Variants in MAPRE2 observed in about 807,000 individuals in gnomAD.
MAPRE2 encodes the protein microtubule associated protein RP/EB family member 2.
Under a neutral mutation model 43.2 loss-of-function variants are expected in MAPRE2, and 13 were observed. The ratio of observed to expected loss-of-function variants is 0.30; its 90% confidence interval spans 0.20 to 0.48. MAPRE2 has a LOEUF of 0.48. Ranked by LOEUF, MAPRE2 falls within the 20% of genes least tolerant of loss-of-function variation. The probability of loss-of-function intolerance (pLI) is 0.99; values close to 1 mark genes in which losing one functional copy is unlikely to be tolerated. For missense variants in MAPRE2, 161 were observed against 400.2 expected, an observed-to-expected ratio of 0.40 and a Z score of 5.10; for synonymous variants, 135 against 148.8, an observed-to-expected ratio of 0.91 and a Z score of 0.68.
In MAPRE2 at chr18:35,049,870, T is replaced by C. The variant is rs183971048; in HGVS notation, c.122+8209T>C. 2.6e-5 allele frequency among the ~76,000 whole-genome samples: 4 copies of C among 152,328 alleles called. No homozygotes were observed. The East Asian group carries it at 7.7e-4, about 29-fold the overall frequency. On this transcript the variant is annotated intron_variant, in intron 1 of 6. Coordinates refer to ENST00000300249, the MANE Select transcript of MAPRE2 (RefSeq NM_014268.4). ...TATATTTGTCTTACGAACATAGCCTTGAGGCACAAGCTTGGGCATTGTTGA... is the reference window on the plus strand; with the variant it reads ...TATATTTGTCTTACGAACATAGCCTCGAGGCACAAGCTTGGGCATTGTTGA...
Position 34,978,452 on chromosome 18 carries a change from G to C in MAPRE2, c.-70+1373G>C, listed in dbSNP as rs965188122. The C allele has an allele frequency of 2.1e-6, 3 of 1,461,702 alleles. No homozygotes were observed. In the African/African-American group the frequency reaches 4.2e-5, roughly 21 times the overall value. 90.5% of individuals were successfully genotyped at this position (1,461,702 alleles called of 1,614,324 possible). A position where few individuals can be genotyped will look rare whatever the true frequency, so the allele number is the denominator to read the frequency against. On this transcript the variant is annotated intron_variant, in intron 1 of 7. Transcript: ENST00000413393. ...TGCAGACCGGTTGCGATTGTGGTCA[G>C]ACGCAGCACCTACTTCTAATCTGAG...
chr18:35,081,845 T>G (rs1603398935), intron 2 of MAPRE2, among the ~76,000 whole-genome samples: 1 of 152,106 alleles, frequency 6.6e-6, no homozygotes, highest in African/African-American at 2.4e-5. Flanking sequence ...AGCCTCTCTG[T>G]GGGCTGCCAT....
At chr18:35,042,630 C>A (rs891899110) in intron 1 of MAPRE2, among the ~76,000 whole-genome samples, 22 of 152,182 alleles carry the variant, frequency 1.4e-4, no homozygotes, top group African/African-American at 5.3e-4. Context: ...TAGCTTCGGT[C>A]ATATTTCCTC....
intron 1 of MAPRE2, among the ~76,000 whole-genome samples, chr18:35,062,161 G>C (rs1321411306): frequency 3.3e-5 from 5 of 152,150 alleles, no homozygotes; most frequent in Admixed American, 6.5e-5. Context: ...AAGACGTTTG[G>C]GGGGATGTCT....
intron 2 of MAPRE2, among the ~76,000 whole-genome samples, chr18:35,020,518 G>C (rs967980581): frequency 6.6e-6 from 1 of 150,822 alleles, no homozygotes; most frequent in African/African-American, 2.4e-5. Context: ...TTTAGTGAGT[G>C]CTTAGCTTAG....
chr18:35,041,566 C>G lies in MAPRE2; in HGVS notation c.27C>G (p.Ser9=). The G allele has an allele frequency of 6.2e-7, 1 of 1,614,206 alleles. No individual in the cohort carries two copies. MPGPTQTL[S]PNGENNNDII... ...TGCCTGGGCCGACCCAAACCCTGTC[C>G]CCAAATGGCGAGAACAACAACGACA... The change falls in exon 1 of 7, where the codon TCC becomes TCG. Residue 9 remains serine (S), a synonymous_variant. Coordinates refer to ENST00000300249, the MANE Select transcript of MAPRE2 (RefSeq NM_014268.4).
At chr18:35,034,653 A>G (rs1187565514) in intron 2 of MAPRE2, among the ~76,000 whole-genome samples, 3 of 152,094 alleles carry the variant, frequency 2.0e-5, no homozygotes, top group Non-Finnish European at 4.4e-5. Context: ...ATGAACTCAA[A>G]CAAATTTACA....
At chr18:35,042,129 A>T (rs1281435200) in intron 1 of MAPRE2, among the ~76,000 whole-genome samples, 1 of 152,202 alleles carries the variant, frequency 6.6e-6, no homozygotes, top group Non-Finnish European at 1.5e-5. Context: ...GCAGTCTGTG[A>T]TGTTAAACCG....
At chr18:35,061,283 G>A (rs1203533110) in intron 1 of MAPRE2, among the ~76,000 whole-genome samples, 1 of 152,210 alleles carries the variant, frequency 6.6e-6, no homozygotes, top group Admixed American at 6.5e-5. Context: ...GCATAGTTTT[G>A]AAGATTCTTA....
intron 2 of MAPRE2, among the ~76,000 whole-genome samples, chr18:35,075,202 C>A (rs1309475852): frequency 1.3e-5 from 2 of 152,216 alleles, no homozygotes; most frequent in Non-Finnish European, 2.9e-5. Flanking sequence ...GGCATTCACA[C>A]AGGTGTAGCC....
At chr18:35,074,559 C>G (rs180890324) in intron 2 of MAPRE2, among the ~76,000 whole-genome samples, 1 of 152,262 alleles carries the variant, frequency 6.6e-6, no homozygotes, top group East Asian at 1.9e-4. Flanking sequence ...TCACTCCTCA[C>G]CTCAAGCCTC....
chr18:35,117,704 G>A lies in MAPRE2; in HGVS notation c.611-9244G>A, dbSNP rs537398854. ...ATGTGGTGTGTGTGGTTTTCACTGG[G>A]GTGAGTGAGCCTCACCATTTCTGTT... On this transcript the variant is annotated intron_variant, in intron 4 of 6. Transcript: ENST00000300249. Among the ~76,000 whole-genome samples, 92 of 151,982 alleles carry A rather than the reference G, an allele frequency of 6.1e-4. 1 individual carries two copies. The highest frequency in any genetic ancestry group is 1.9e-3 in the African/African-American group (79 of 41,422).
chr18:35,100,561 C>T (rs1908628053), intron 3 of MAPRE2, among the ~76,000 whole-genome samples: 1 of 152,130 alleles, frequency 6.6e-6, no homozygotes, highest in Admixed American at 6.5e-5. Context: ...ATGGAATCAA[C>T]CTAAATGCCC....
intron 2 of MAPRE2, among the ~76,000 whole-genome samples, chr18:35,073,666 T>C (rs1359797239): frequency 6.6e-6 from 1 of 152,216 alleles, no homozygotes; most frequent in East Asian, 1.9e-4. Context: ...CTATTTCTGT[T>C]TTTAAAATTT....
At chr18:35,036,573 A>G (rs889444361), upstream of MAPRE2, among the ~76,000 whole-genome samples, 10 of 151,992 alleles carry the variant, frequency 6.6e-5, no homozygotes, top group African/African-American at 2.4e-4. Flanking sequence ...AGATGTTATA[A>G]CCTTCCCTAC....
At position 35,005,608 on chromosome 18, in the gene MAPRE2, G is replaced by A. The variant is rs2097031500; in HGVS notation, c.-8+55G>A. 2.7e-6 allele frequency: 3 copies of A among 1,102,630 alleles called. No homozygotes were observed. In the South Asian group the frequency reaches 4.9e-5, roughly 18 times the overall value. The allele number at this position is 1,102,630 out of a possible 1,614,324, so 68.3% of individuals were successfully genotyped here. On this transcript the variant is annotated intron_variant, in intron 2 of 7. Coordinates refer to the MAPRE2 transcript ENST00000413393. ...CTCCTTGCTTAAAAATTAATTTAAA[G>A]TGAGTAGTAATATTGTCATTGTAAC...
At chr18:35,129,592 T>G (rs905002414) in intron 5 of MAPRE2, among the ~76,000 whole-genome samples, 2 of 152,176 alleles carry the variant, frequency 1.3e-5, no homozygotes, top group African/African-American at 4.8e-5. Context: ...TTCTGTATAG[T>G]GGGTTAGCCA....
chr18:35,025,659 G>A (rs506890), intron 2 of MAPRE2, among the ~76,000 whole-genome samples: 151,624 of 152,328 alleles, frequency 1, 75,466 homozygotes, highest in East Asian at 1. Flanking sequence ...CTAAATTGCC[G>A]TCCTCTCTGT....
chr18:35,091,480 A>G (rs1330943735), intron 2 of MAPRE2, among the ~76,000 whole-genome samples: 3 of 150,930 alleles, frequency 2.0e-5, no homozygotes, highest in South Asian at 2.1e-4. Flanking sequence ...TACTTAACCT[A>G]TACTACCCAA....
Sources: gnomAD v4.1 joint callset for allele counts (sites outside exome capture counted in the v4.1 genomes callset) on GRCh38, gnomAD v4.1.1 for gene constraint, MANE v1.5 for transcripts, NCBI Gene and HGNC (gene_info 2026-07-23, HGNC 2026-07-21) for gene names.